ME3: variants seen among roughly 807,000 people sequenced by gnomAD.
ME3 encodes malic enzyme 3, also known as NADP-dependent malic enzyme, mitochondrial.
In ME3, 48 loss-of-function variants were observed where a neutral mutation model predicts 68.9. That is an observed-to-expected ratio of 0.70 (90% CI 0.55 to 0.89). The LOEUF (loss-of-function observed/expected upper bound fraction) is 0.89. Among genes scored for constraint, ME3 ranks in the 40% least tolerant of loss-of-function variants. The pLI is 0.00. For missense variants in ME3, 675 were observed against 797.4 expected, an observed-to-expected ratio of 0.85 and a Z score of 1.85; for synonymous variants, 320 against 318.8, an observed-to-expected ratio of 1.00 and a Z score of -0.04.
intron 2 of ME3, among the ~76,000 whole-genome samples, chr11:86,631,851 G>A (rs778823758): frequency 4.6e-5 from 7 of 152,096 alleles, no homozygotes; most frequent in Non-Finnish European, 1.0e-4. Context: ...TCCTGCCTCA[G>A]CCTCCTGAAT....
At chr11:86,620,311 T>C (rs188239009) in intron 2 of ME3, among the ~76,000 whole-genome samples, 1 of 152,336 alleles carries the variant, frequency 6.6e-6, no homozygotes, top group East Asian at 1.9e-4. Flanking sequence ...TTTGGGCAAT[T>C]TGCCTTCATG....
intron 4 of ME3, among the ~76,000 whole-genome samples, chr11:86,534,972 A>C (rs559657933): frequency 1.1e-4 from 17 of 152,206 alleles, no homozygotes; most frequent in Non-Finnish European, 2.4e-4. Flanking sequence ...AGAATTGGCA[A>C]GAGAGCTGGA....
chr11:86,445,772 A>G (rs1949250263), intron 13 of ME3, among the ~76,000 whole-genome samples: 1 of 152,154 alleles, frequency 6.6e-6, no homozygotes, highest in Admixed American at 6.5e-5. Flanking sequence ...CTTATCTAGT[A>G]AGATACCTGG....
intron 2 of ME3, among the ~76,000 whole-genome samples, chr11:86,661,336 A>AGT (rs1414932672): frequency 6.6e-6 from 1 of 152,258 alleles, no homozygotes; most frequent in African/African-American, 2.4e-5. Flanking sequence ...AGCATGCCAA[A>AGT]GTTTTTAAGT....
chr11:86,617,052 T>G lies in ME3; in HGVS notation c.183+54710A>C, dbSNP rs988072248. Among the ~76,000 whole-genome samples the G allele has an allele frequency of 6.1e-5, 4 of 65,750 alleles. 1 individual carries two copies. Among genetic ancestry groups the G allele is most frequent in the South Asian group, 4.7e-4 (1 of 2,136 alleles). 43.1% of individuals were successfully genotyped at this position (65,750 alleles called of 152,430 possible). A position where few individuals can be genotyped will look rare whatever the true frequency, so the allele number is the denominator to read the frequency against. On this transcript the variant is annotated intron_variant, in intron 2 of 14. Coordinates refer to ENST00000543262, the Ensembl canonical transcript of ME3. The stretch of plus-strand genomic sequence containing the variant: ...AAATACTCCAAGATAGTAGTTTTTT[T>G]TTTTTTTTTTTTTTTTTTTTTTTTT...
chr11:86,493,947 A>G (rs1489143760), intron 6 of ME3, among the ~76,000 whole-genome samples: 2 of 152,142 alleles, frequency 1.3e-5, no homozygotes, highest in Non-Finnish European at 1.5e-5. Context: ...CATGTGAGAT[A>G]AAAGTGTAGA....
intron 2 of ME3, among the ~76,000 whole-genome samples, chr11:86,641,419 T>A (rs2226566): frequency 0.17 from 25,999 of 152,204 alleles, 2,317 homozygotes; most frequent in Non-Finnish European, 0.19. Context: ...ATGGAAAGCA[T>A]GGACCCAAGA....
intron 11 of ME3, among the ~76,000 whole-genome samples, chr11:86,447,855 CA>C (rs35352939): frequency 0.069 from 8,268 of 120,442 alleles, 280 homozygotes; most frequent in East Asian, 0.16. Context: ...TAAACTCTGT[CA>C]AAAAAAAAAA....
At chr11:86,465,137 G>A (rs758289238) in exon 8 of ME3, 2 of 1,613,800 alleles carry the variant, frequency 1.2e-6, no homozygotes, top group African/African-American at 2.7e-5. Context: ...GGTATTTGTT[G>A]AGCAGGCGGA....
intron 2 of ME3, among the ~76,000 whole-genome samples, chr11:86,613,172 C>G (rs1236806854): frequency 6.6e-6 from 1 of 152,150 alleles, no homozygotes; most frequent in Non-Finnish European, 1.5e-5. Context: ...GAGACCCTTT[C>G]CCCATTGCTT....
intron 4 of ME3, among the ~76,000 whole-genome samples, chr11:86,523,673 G>A (rs1182455289): frequency 6.6e-6 from 1 of 152,124 alleles, no homozygotes; most frequent in Admixed American, 6.5e-5. Context: ...CTGATAAGGT[G>A]TGCAAATAGC....
chr11:86,526,568 C>G (rs1353049111), intron 4 of ME3, among the ~76,000 whole-genome samples: 1 of 152,228 alleles, frequency 6.6e-6, no homozygotes, highest in Non-Finnish European at 1.5e-5. Context: ...CAGACTGCCT[C>G]CTCAAGTGGG....
chr11:86,502,582 G>A (rs539513380), intron 5 of ME3, among the ~76,000 whole-genome samples: 25 of 152,286 alleles, frequency 1.6e-4, no homozygotes, highest in East Asian at 5.8e-4. Context: ...CCTGTTTTTC[G>A]TGACATCAAT....
intron 7 of ME3, among the ~76,000 whole-genome samples, chr11:86,485,387 G>A (rs777640235): frequency 2.2e-4 from 33 of 152,162 alleles, no homozygotes; most frequent in Admixed American, 4.6e-4. Flanking sequence ...GTGGTATTCA[G>A]GATTTCTGAA....
At chr11:86,671,929 C>T in exon 2 of ME3, 3 of 1,433,446 alleles carry the variant, frequency 2.1e-6, no homozygotes, top group Non-Finnish European at 2.7e-6. Flanking sequence ...GTGCCTGTCC[C>T]CAGCGCGGCA....
intron 2 of ME3, among the ~76,000 whole-genome samples, chr11:86,598,969 A>G (rs1355460914): frequency 2.6e-5 from 4 of 152,216 alleles, no homozygotes; most frequent in Admixed American, 1.3e-4. Flanking sequence ...ATCATCAAAG[A>G]CAAAAAGTAG....
chr11:86,595,297 A>ATATATATG (rs1489330612), intron 2 of ME3, among the ~76,000 whole-genome samples: 1 of 65,380 alleles, frequency 1.5e-5, no homozygotes, highest in Non-Finnish European at 3.6e-5. Context: ...ATATACATAT[A>ATATATATG]TATATATATA....
chr11:86,462,646 C>T, intron 8 of ME3: 4 of 1,258,412 alleles, frequency 3.2e-6, no homozygotes, highest in South Asian at 1.2e-5. Flanking sequence ...ATTTATTAGG[C>T]ATCTATCATG....
intron 5 of ME3, among the ~76,000 whole-genome samples, chr11:86,506,561 T>A (rs1407489827): frequency 6.6e-6 from 1 of 152,204 alleles, no homozygotes. Context: ...AAAGGGTGCC[T>A]TTTTGTTAAA....
Sources: gnomAD v4.1 joint callset for allele counts (sites outside exome capture counted in the v4.1 genomes callset) on GRCh38, gnomAD v4.1.1 for gene constraint, MANE v1.5 for transcripts, NCBI Gene and HGNC (gene_info 2026-07-23, HGNC 2026-07-21) for gene names.